PTPRM: variants seen among roughly 807,000 people sequenced by gnomAD.
PTPRM encodes receptor-type tyrosine-protein phosphatase mu.
A neutral mutation model predicts 186.7 loss-of-function variants in PTPRM; 47 were observed. That is an observed-to-expected ratio of 0.25 (90% CI 0.20 to 0.32). The LOEUF (loss-of-function observed/expected upper bound fraction) is 0.32, where lower values mean the gene tolerates loss of function less well. PTPRM is among the 10% of genes least tolerant of loss of function. The probability of loss-of-function intolerance (pLI) is 1.00; values close to 1 mark genes in which losing one functional copy is unlikely to be tolerated. For synonymous variants in PTPRM, 668 were observed against 674.9 expected, an observed-to-expected ratio of 0.99 and a Z score of 0.16; for missense variants, 1,494 against 1,865.0, an observed-to-expected ratio of 0.80 and a Z score of 3.66.
At chr18:8,100,045 C>T (rs2091216671) in intron 11 of PTPRM, among the ~76,000 whole-genome samples, 1 of 152,042 alleles carries the variant, frequency 6.6e-6, no homozygotes, top group African/African-American at 2.4e-5. Context: ...CACTTAAGAC[C>T]ATGGCGGAAG....
intron 3 of PTPRM, among the ~76,000 whole-genome samples, chr18:7,899,970 T>G (rs144582563): frequency 1.3e-5 from 2 of 152,166 alleles, no homozygotes; most frequent in Non-Finnish European, 2.9e-5. Context: ...GGACAGGGTC[T>G]TCTTCTCATT....
chr18:8,258,033 A>C (rs1359409538), intron 19 of PTPRM, among the ~76,000 whole-genome samples: 2 of 152,184 alleles, frequency 1.3e-5, no homozygotes, highest in African/African-American at 4.8e-5. Flanking sequence ...CTCACCAGGG[A>C]GATGCAATAA....
Position 8,169,238 on chromosome 18 carries a change from G to A in PTPRM, c.2300+25459G>A, listed in dbSNP as rs920026995. On this transcript the variant is annotated intron_variant, in intron 14 of 32. Coordinates refer to ENST00000580170, the MANE Select transcript of PTPRM (RefSeq NM_001105244.2). ...TGTATATTCATTTTCTTTCTCTTCC[G>A]CTCGAAAAGTGAATTTAAAAGGTCC... Among the ~76,000 whole-genome samples the A allele has an allele frequency of 7.9e-5, 12 of 151,660 alleles. No homozygotes were observed. In the East Asian group the frequency reaches 9.7e-4, roughly 12 times the overall value.
intron 7 of PTPRM, among the ~76,000 whole-genome samples, chr18:8,057,425 C>CTTTTTTTTTTTTTTTTTTTTTTGTTT (rs763829289): frequency 4.9e-5 from 5 of 102,562 alleles, no homozygotes; most frequent in Admixed American, 9.5e-5. Context: ...TGTGATACTT[C>CTTTTTTTTTTTTTTTTTTTTTTGTTT]TTTTTTTTTT....
At chr18:7,921,597 G>T (rs919523916) in intron 4 of PTPRM, among the ~76,000 whole-genome samples, 12 of 151,970 alleles carry the variant, frequency 7.9e-5, no homozygotes, top group Admixed American at 5.2e-4. Flanking sequence ...AGCCAGGATG[G>T]TCTCTAACTC....
At chr18:8,122,073 C>T in intron 13 of PTPRM, 1 of 152,228 alleles carries the variant, frequency 6.6e-6, no homozygotes, top group East Asian at 1.9e-4. Flanking sequence ...TCAGAATATT[C>T]AGCACCTTGC....
intron 14 of PTPRM, among the ~76,000 whole-genome samples, chr18:8,146,906 A>G (rs1459598754): frequency 6.6e-6 from 1 of 152,166 alleles, no homozygotes; most frequent in Non-Finnish European, 1.5e-5. Context: ...TTAAATAGGG[A>G]ATCTTTTCCC....
intron 2 of PTPRM, among the ~76,000 whole-genome samples, chr18:7,862,964 T>C (rs1442798617): frequency 6.6e-6 from 1 of 152,054 alleles, no homozygotes; most frequent in African/African-American, 2.4e-5. Flanking sequence ...TAAAGGGAGA[T>C]TTCTTGGGAA....
At position 7,944,229 on chromosome 18, in the gene PTPRM, C is replaced by T. The variant is rs377681803; in HGVS notation, c.664-4952C>T. On this transcript the variant is annotated intron_variant, in intron 5 of 32. Coordinates refer to ENST00000580170, the MANE Select transcript of PTPRM (RefSeq NM_001105244.2). ...CTGGGTACACAAAATGAGTAAGATA[C>T]GACCCTGGACCTTATGGACTGCTAG... Among the ~76,000 whole-genome samples the T allele has an allele frequency of 2.9e-4, 44 of 152,184 alleles. 1 individual carries two copies. The highest frequency in any genetic ancestry group is 9.4e-4 in the African/African-American group (39 of 41,520).
intron 1 of PTPRM, among the ~76,000 whole-genome samples, chr18:7,597,263 G>C (rs185026294): frequency 9.8e-5 from 15 of 152,286 alleles, no homozygotes; most frequent in Admixed American, 3.3e-4. Flanking sequence ...TAGAAGCCTT[G>C]GTTCATGGAA....
At position 7,567,903 on chromosome 18, in the gene PTPRM, C is replaced by T. The variant is rs994530421; in HGVS notation, c.73+12C>T. 1.3e-6 allele frequency: 2 copies of T among 1,540,976 alleles called. No individual in the cohort carries two copies. Among genetic ancestry groups the T allele is most frequent in the Non-Finnish European group, 1.7e-6 (2 of 1,152,396 alleles). On this transcript the variant is annotated intron_variant, in intron 1 of 32. Coordinates refer to ENST00000580170, the MANE Select transcript of PTPRM (RefSeq NM_001105244.2). The surrounding 1 kb of genome is among the most constrained non-coding windows in gnomAD (Gnocchi z 4.3). Reference sequence around the variant, plus strand: ...CGAGACGTTCTCAGGTAAGCGGGACCGCCTCTGCCGCCCCCGAGGCGCGCG... The same window carrying T: ...CGAGACGTTCTCAGGTAAGCGGGACTGCCTCTGCCGCCCCCGAGGCGCGCG...
chr18:8,064,673 T>C (rs192501197), intron 7 of PTPRM, among the ~76,000 whole-genome samples: 4 of 152,320 alleles, frequency 2.6e-5, no homozygotes, highest in Non-Finnish European at 5.9e-5. Context: ...AAATTAAAGA[T>C]TGTTGTATCC....
At chr18:7,696,361 A>G (rs572157831) in intron 1 of PTPRM, among the ~76,000 whole-genome samples, 17 of 152,268 alleles carry the variant, frequency 1.1e-4, no homozygotes, top group African/African-American at 4.1e-4. Flanking sequence ...TCTAAATTTG[A>G]ATTTTCGTAG....
chr18:8,328,329 G>A (rs915957004), intron 22 of PTPRM, among the ~76,000 whole-genome samples: 4 of 152,130 alleles, frequency 2.6e-5, no homozygotes, highest in African/African-American at 7.2e-5. Flanking sequence ...TTGCATTCTG[G>A]CCTCCAGATG....
intron 1 of PTPRM, among the ~76,000 whole-genome samples, chr18:7,607,018 TCTC>T (rs374497162): frequency 1.6e-4 from 24 of 152,090 alleles, no homozygotes; most frequent in African/African-American, 5.5e-4. Context: ...GATTTGCTCT[TCTC>T]CTGCTTGTAG....
intron 19 of PTPRM, among the ~76,000 whole-genome samples, chr18:8,290,190 C>T (rs1048846426): frequency 6.6e-6 from 1 of 152,158 alleles, no homozygotes; most frequent in Non-Finnish European, 1.5e-5. Context: ...ACTTTGCATG[C>T]CCCAGTGAGT....
intron 13 of PTPRM, among the ~76,000 whole-genome samples, chr18:8,116,429 C>T (rs1047771586): frequency 4.6e-5 from 7 of 152,280 alleles, no homozygotes; most frequent in African/African-American, 1.2e-4. Context: ...TTTTTGGAGA[C>T]GAATTGACTC....
Position 7,906,567 on chromosome 18 carries a change from G to T in PTPRM, c.531G>T (p.Val177=). Residue 177 remains valine (V), a synonymous_variant, in exon 4 of 33, where the codon GTG becomes GTT. Coordinates refer to ENST00000580170, the MANE Select transcript of PTPRM (RefSeq NM_001105244.2). ...QGYLAIDEVK[V]LGHPCTRTPH... ...ATCTCGCTATCGATGAGGTGAAGGT[G>T]TTAGGACATCCATGTAGTAAGTTGT... 1 of 1,612,234 alleles carries T rather than the reference G, an allele frequency of 6.2e-7. No individual in the cohort carries two copies. Among genetic ancestry groups the T allele is most frequent in the Non-Finnish European group, 8.5e-7 (1 of 1,178,210 alleles).
At chr18:8,207,917 G>C (rs1160137123) in intron 14 of PTPRM, among the ~76,000 whole-genome samples, 1 of 152,178 alleles carries the variant, frequency 6.6e-6, no homozygotes, top group Non-Finnish European at 1.5e-5. Flanking sequence ...GTGTTGTAAA[G>C]CTAGGAAAAA....
Sources: gnomAD v4.1 joint callset for allele counts (sites outside exome capture counted in the v4.1 genomes callset) on GRCh38, gnomAD v4.1.1 for gene constraint, Gnocchi (gnomAD v3.1) non-coding constraint, MANE v1.5 for transcripts, NCBI Gene and HGNC (gene_info 2026-07-23, HGNC 2026-07-21) for gene names.